SLC5A4: variants seen among roughly 807,000 people sequenced by gnomAD.
SLC5A4 encodes the protein solute carrier family 5 member 4, also known as probable glucose sensor protein SLC5A4.
In SLC5A4, 55 loss-of-function variants were observed where a neutral mutation model predicts 70.3. That is an observed-to-expected ratio of 0.78 (90% CI 0.63 to 0.98). The LOEUF (loss-of-function observed/expected upper bound fraction) is 0.98. SLC5A4 is among the 50% of genes least tolerant of loss of function. SLC5A4 has a pLI of 0.00. For missense variants in SLC5A4, 735 were observed against 839.2 expected (o/e 0.88, Z 1.53); for synonymous variants, 268 against 305.7 (o/e 0.88, Z 1.29).
chr22:32,326,428 TTTA>T, the SLC5A4 span, among the ~76,000 whole-genome samples: 1 of 152,084 alleles, frequency 6.6e-6, no homozygotes, highest in Non-Finnish European at 1.5e-5. Context: ...AGCTAGTTTT[TTTA>T]TTTTTAGTAG....
chr22:32,308,739 G>A, the SLC5A4 span, among the ~76,000 whole-genome samples: 1 of 151,172 alleles, frequency 6.6e-6, no homozygotes, highest in Non-Finnish European at 1.5e-5. Context: ...ACAGCAAGAG[G>A]GACCAGATCT....
At chr22:32,309,377 G>GTAT in the SLC5A4 span, among the ~76,000 whole-genome samples, 5 of 152,112 alleles carry the variant, frequency 3.3e-5, no homozygotes, top group South Asian at 2.1e-4. Context: ...GTGTTTTTTT[G>GTAT]TATTATTATT....
the SLC5A4 span, among the ~76,000 whole-genome samples, chr22:32,343,395 T>C: frequency 3.9e-5 from 6 of 152,148 alleles, no homozygotes; most frequent in Non-Finnish European, 8.8e-5. Flanking sequence ...CCTATCTGGA[T>C]GGCAGATGAG....
At chr22:32,338,398 T>TA in the SLC5A4 span, among the ~76,000 whole-genome samples, 31,594 of 152,062 alleles carry the variant, frequency 0.21, 3,706 homozygotes, top group East Asian at 0.47. Context: ...CCTGTAGTTC[T>TA]AGCACTTTGG....
chr22:32,228,629 T>C (rs1184985304), intron 11 of SLC5A4, among the ~76,000 whole-genome samples: 2 of 143,574 alleles, frequency 1.4e-5, no homozygotes, highest in East Asian at 3.9e-4. Flanking sequence ...TTTTTTCCTC[T>C]TGTTTCCCTC....
the SLC5A4 span, chr22:32,272,718 A>C: frequency 3.3e-5 from 17 of 513,070 alleles, no homozygotes; most frequent in Admixed American, 8.2e-5. Flanking sequence ...GGGTGCCCAC[A>C]TGAACGCATT....
At chr22:32,348,893 A>G in the SLC5A4 span, among the ~76,000 whole-genome samples, 3 of 152,250 alleles carry the variant, frequency 2.0e-5, no homozygotes, top group Non-Finnish European at 4.4e-5. Context: ...GTTAAGTTTC[A>G]TAAATGTCCC....
At chr22:32,291,178 C>CTTCT in the SLC5A4 span, among the ~76,000 whole-genome samples, 1 of 38,984 alleles carries the variant, frequency 2.6e-5, no homozygotes, top group Non-Finnish European at 5.7e-5. Context: ...TCATTGTTCT[C>CTTCT]TTTTTATATA....
the SLC5A4 span, among the ~76,000 whole-genome samples, chr22:32,304,030 C>T: frequency 3.3e-5 from 5 of 152,176 alleles, no homozygotes; most frequent in Non-Finnish European, 4.4e-5. Context: ...TTTTAATTTG[C>T]ATTTCTGATG....
chr22:32,302,303 A>AT, the SLC5A4 span, among the ~76,000 whole-genome samples: 25 of 148,894 alleles, frequency 1.7e-4, no homozygotes, highest in African/African-American at 4.2e-4. Context: ...GTGGTTTGAA[A>AT]TTTTTTTTTT....
the SLC5A4 span, among the ~76,000 whole-genome samples, chr22:32,293,506 T>C: frequency 1.3e-5 from 2 of 152,162 alleles, no homozygotes; most frequent in South Asian, 4.1e-4. Context: ...AACATAATAT[T>C]GTAAATATTG....
chr22:32,332,980 C>G, the SLC5A4 span, among the ~76,000 whole-genome samples: 1 of 152,314 alleles, frequency 6.6e-6, no homozygotes, highest in Non-Finnish European at 1.5e-5. Context: ...TCCATTCTTA[C>G]CCCTGATCAG....
At chr22:32,269,692 C>G in the SLC5A4 span, 5 of 603,244 alleles carry the variant, frequency 8.3e-6, no homozygotes, top group Admixed American at 7.8e-5. This position sits in a 1 kb window ranked among gnomAD's most constrained non-coding sequence, Gnocchi z 4.1. Context: ...AGCATTCCCC[C>G]GTACGGTGTG....
At chr22:32,239,578 A>T (rs1427816647) in intron 5 of SLC5A4, among the ~76,000 whole-genome samples, 4 of 26,820 alleles carry the variant, frequency 1.5e-4, no homozygotes, top group Non-Finnish European at 2.7e-4. Flanking sequence ...ATTTATATAT[A>T]TATTTATATA....
At chr22:32,227,180 G>A (rs1167712404) in intron 11 of SLC5A4, among the ~76,000 whole-genome samples, 1 of 152,062 alleles carries the variant, frequency 6.6e-6, no homozygotes, top group Non-Finnish European at 1.5e-5. Flanking sequence ...TCCTATTTGT[G>A]TTTTGTGAGA....
At chr22:32,330,755 A>G in the SLC5A4 span, among the ~76,000 whole-genome samples, 9 of 48,768 alleles carry the variant, frequency 1.8e-4, no homozygotes, top group African/African-American at 2.7e-4. Flanking sequence ...GTGTGTTGGA[A>G]GCTCTGGTGT....
At chr22:32,227,551 T>C (rs1191544337) in intron 11 of SLC5A4, among the ~76,000 whole-genome samples, 2 of 152,228 alleles carry the variant, frequency 1.3e-5, no homozygotes, top group Non-Finnish European at 2.9e-5. Context: ...AATTCTGATA[T>C]CTTACTACAG....
the SLC5A4 span, among the ~76,000 whole-genome samples, chr22:32,303,537 G>C: frequency 0.63 from 96,248 of 152,004 alleles, 30,578 homozygotes; most frequent in East Asian, 0.7. Context: ...TGTCCTTTGT[G>C]CACAAGGAAT....
the SLC5A4 span, among the ~76,000 whole-genome samples, chr22:32,339,662 G>T: frequency 6.6e-6 from 1 of 152,228 alleles, no homozygotes; most frequent in Non-Finnish European, 1.5e-5. Context: ...CCTCTGGAAA[G>T]ATTCAAGGCT....
Sources: gnomAD v4.1 joint callset for allele counts (sites outside exome capture counted in the v4.1 genomes callset) on GRCh38, gnomAD v4.1.1 for gene constraint, Gnocchi (gnomAD v3.1) non-coding constraint, MANE v1.5 for transcripts, NCBI Gene and HGNC (gene_info 2026-07-23, HGNC 2026-07-21) for gene names.